The following NKAIN2 variants were observed in gnomAD, a reference collection of about 807,000 sequenced individuals.
The protein encoded by NKAIN2 is sodium/potassium-transporting ATPase subunit beta-1-interacting protein 2.
NKAIN2 carries 14 observed loss-of-function variants against 32.6 expected under a neutral mutation model. The ratio of observed to expected loss-of-function variants is 0.43; its 90% confidence interval spans 0.28 to 0.67. The LOEUF is 0.67. NKAIN2 is among the 30% of genes least tolerant of loss of function. NKAIN2 has a pLI of 0.17. For missense variants in NKAIN2, 198 were observed against 258.3 expected (o/e 0.77, Z 1.60); for synonymous variants, 80 against 87.2 (o/e 0.92, Z 0.46).
intron 1 of NKAIN2, among the ~76,000 whole-genome samples, chr6:124,031,473 G>C (rs1781403399): frequency 6.6e-6 from 1 of 152,012 alleles, no homozygotes; most frequent in South Asian, 2.1e-4. Flanking sequence ...GTTTGCTCTT[G>C]CTTCTCTAGT....
chr6:124,576,688 TA>T (rs577809425), intron 3 of NKAIN2, among the ~76,000 whole-genome samples: 22 of 151,514 alleles, frequency 1.5e-4, no homozygotes, highest in East Asian at 7.7e-4. Flanking sequence ...AATTTCAATG[TA>T]AAAAAAAACA....
At chr6:124,617,441 G>A (rs1027015022) in intron 3 of NKAIN2, among the ~76,000 whole-genome samples, 1 of 152,122 alleles carries the variant, frequency 6.6e-6, no homozygotes, top group African/African-American at 2.4e-5. Context: ...TCTGCTTGAT[G>A]AATTTCTAAA....
chr6:124,256,057 A>G (rs1022452829), intron 1 of NKAIN2, among the ~76,000 whole-genome samples: 4 of 152,178 alleles, frequency 2.6e-5, no homozygotes, highest in African/African-American at 7.2e-5. Context: ...ACTCTCTTAC[A>G]AGGGAAATTA....
chr6:124,052,674 A>C (rs1782466924), intron 1 of NKAIN2, among the ~76,000 whole-genome samples: 1 of 152,084 alleles, frequency 6.6e-6, no homozygotes. Flanking sequence ...ATGAGGAACT[A>C]TGGGGGATGG....
At chr6:124,002,707 C>T (rs896054109) in intron 1 of NKAIN2, among the ~76,000 whole-genome samples, 1 of 151,986 alleles carries the variant, frequency 6.6e-6, no homozygotes, top group Non-Finnish European at 1.5e-5. Context: ...TCTTTTACGC[C>T]TTTATTGCAA....
At chr6:124,069,043 TA>T (rs1783319919) in intron 1 of NKAIN2, among the ~76,000 whole-genome samples, 1 of 152,136 alleles carries the variant, frequency 6.6e-6, no homozygotes, top group South Asian at 2.1e-4. Flanking sequence ...GTTTCCTTTT[TA>T]AAGTCTATTC....
At chr6:124,810,125 A>T (rs1780817138) in intron 5 of NKAIN2, among the ~76,000 whole-genome samples, 1 of 152,142 alleles carries the variant, frequency 6.6e-6, no homozygotes. Flanking sequence ...CAGCCATCCC[A>T]TTACTGGGTA....
At chr6:124,751,537 C>G (rs1052641945) in intron 4 of NKAIN2, among the ~76,000 whole-genome samples, 1 of 151,740 alleles carries the variant, frequency 6.6e-6, no homozygotes, top group African/African-American at 2.4e-5. Flanking sequence ...AGGGTAGTTA[C>G]AGGAGAGGAA....
chr6:124,274,515 T>C (rs898573297), intron 1 of NKAIN2, among the ~76,000 whole-genome samples: 5 of 152,086 alleles, frequency 3.3e-5, no homozygotes, highest in African/African-American at 1.2e-4. Context: ...CTGTGTTCAG[T>C]TGCTAATGAT....
intron 3 of NKAIN2, among the ~76,000 whole-genome samples, chr6:124,513,483 T>G (rs1167528403): frequency 7.9e-5 from 12 of 152,146 alleles, no homozygotes; most frequent in Admixed American, 7.9e-4. Flanking sequence ...ACTCTTCTAT[T>G]TAGCCCTTGG....
chr6:124,043,286 A>T (rs1450763291), intron 1 of NKAIN2, among the ~76,000 whole-genome samples: 1 of 152,078 alleles, frequency 6.6e-6, no homozygotes, highest in African/African-American at 2.4e-5. Context: ...GTGAGCTGAG[A>T]TCGCACCATT....
chr6:124,367,601 C>T (rs1799577483), intron 3 of NKAIN2, among the ~76,000 whole-genome samples: 1 of 152,068 alleles, frequency 6.6e-6, no homozygotes, highest in Non-Finnish European at 1.5e-5. Flanking sequence ...AGAGTGAGGC[C>T]TAAGTTATTT....
intron 1 of NKAIN2, among the ~76,000 whole-genome samples, chr6:123,903,193 G>A (rs1300589216): frequency 2.0e-5 from 3 of 152,166 alleles, no homozygotes; most frequent in East Asian, 1.9e-4. Flanking sequence ...TGTCTGTCAC[G>A]AAACCTTTGC....
intron 1 of NKAIN2, among the ~76,000 whole-genome samples, chr6:123,939,970 A>C (rs1776739761): frequency 1.3e-5 from 2 of 152,120 alleles, no homozygotes; most frequent in East Asian, 3.9e-4. Context: ...GCTGAAACCC[A>C]GTGATAGGCA....
chr6:124,735,720 G>A (rs1233880238), intron 4 of NKAIN2, among the ~76,000 whole-genome samples: 1 of 151,784 alleles, frequency 6.6e-6, no homozygotes. Context: ...CTGTTATGGT[G>A]ATCTGTGATC....
intron 2 of NKAIN2, among the ~76,000 whole-genome samples, chr6:124,346,575 T>C (rs1052677669): frequency 3.9e-5 from 6 of 152,132 alleles, no homozygotes; most frequent in African/African-American, 1.4e-4. Flanking sequence ...ATTGATCCCT[T>C]TACCATTATG....
chr6:124,451,929 CA>C (rs201778013), intron 3 of NKAIN2, among the ~76,000 whole-genome samples: 7,814 of 152,052 alleles, frequency 0.051, 289 homozygotes, highest in Non-Finnish European at 0.066. Flanking sequence ...CATGGTGGCT[CA>C]AAGCCTGTAA....
At chr6:124,480,359 A>G (rs1239644903) in intron 3 of NKAIN2, among the ~76,000 whole-genome samples, 2 of 152,116 alleles carry the variant, frequency 1.3e-5, no homozygotes, top group African/African-American at 4.8e-5. Context: ...CAGCTCCTTC[A>G]GGCCAAGGTT....
intron 3 of NKAIN2, among the ~76,000 whole-genome samples, chr6:124,396,009 C>T (rs532539987): frequency 6.6e-6 from 1 of 152,092 alleles, no homozygotes; most frequent in African/African-American, 2.4e-5. Context: ...ACAAAACATA[C>T]AAAACCTCTG....
Sources: allele counts gnomAD v4.1 joint callset (sites outside exome capture counted in the v4.1 genomes callset), GRCh38; gene constraint gnomAD v4.1.1; transcripts MANE v1.5; gene names NCBI Gene and HGNC (gene_info 2026-07-23, HGNC 2026-07-21).